Variants in PPM1L observed in about 807,000 individuals in gnomAD.
The protein encoded by PPM1L is protein phosphatase 1L.
A neutral mutation model predicts 31.4 loss-of-function variants in PPM1L; 13 were observed. That is an observed-to-expected ratio of 0.41 (90% CI 0.27 to 0.66). The LOEUF (loss-of-function observed/expected upper bound fraction) is 0.66, where lower values mean the gene tolerates loss of function less well. Ranked by LOEUF, PPM1L falls within the 30% of genes least tolerant of loss-of-function variation. The probability of loss-of-function intolerance (pLI) is 0.29; values close to 1 mark genes in which losing one functional copy is unlikely to be tolerated. For synonymous variants in PPM1L, 184 were observed against 175.4 expected (o/e 1.05, Z -0.39); for missense variants, 326 against 453.7 (o/e 0.72, Z 2.56).
At chr3:160,757,357 T>G (rs1714839535) in intron 1 of PPM1L, among the ~76,000 whole-genome samples, 1 of 152,274 alleles carries the variant, frequency 6.6e-6, no homozygotes, top group African/African-American at 2.4e-5. Context: ...TAGATGTCCC[T>G]GGCCTTTGCA....
chr3:161,011,356 A>G (rs1028220420), intron 2 of PPM1L, among the ~76,000 whole-genome samples: 37 of 152,210 alleles, frequency 2.4e-4, no homozygotes, highest in African/African-American at 7.2e-4. Context: ...TGAGAGCTCT[A>G]TTCTGTTCCA....
chr3:160,905,220 A>G (rs528464672), intron 1 of PPM1L, among the ~76,000 whole-genome samples: 23 of 152,286 alleles, frequency 1.5e-4, no homozygotes, highest in African/African-American at 5.3e-4. Flanking sequence ...ACCAGTTCCA[A>G]TATATAAGTG....
chr3:160,984,644 G>A (rs767679798), intron 2 of PPM1L, among the ~76,000 whole-genome samples: 1 of 152,134 alleles, frequency 6.6e-6, no homozygotes, highest in Non-Finnish European at 1.5e-5. Context: ...CTTCTGCCGT[G>A]GCTTCAGCTG....
At chr3:160,879,320 T>C (rs985090760) in intron 1 of PPM1L, among the ~76,000 whole-genome samples, 20 of 152,114 alleles carry the variant, frequency 1.3e-4, no homozygotes, top group Admixed American at 6.6e-4. Flanking sequence ...AGTTGAGCAG[T>C]TCCATCCCAG....
At chr3:161,018,830 C>T (rs898631605) in intron 2 of PPM1L, among the ~76,000 whole-genome samples, 2 of 152,094 alleles carry the variant, frequency 1.3e-5, no homozygotes, top group East Asian at 1.9e-4. Context: ...CTTGGCATCT[C>T]GGCATTCCAG....
chr3:160,837,738 A>G (rs1040379849), intron 1 of PPM1L, among the ~76,000 whole-genome samples: 16 of 152,304 alleles, frequency 1.1e-4, no homozygotes, highest in African/African-American at 3.4e-4. Flanking sequence ...GAACACAGAC[A>G]AAAGGAAACA....
At chr3:160,766,414 T>A (rs1012634170) in intron 1 of PPM1L, among the ~76,000 whole-genome samples, 10 of 152,156 alleles carry the variant, frequency 6.6e-5, no homozygotes, top group African/African-American at 2.4e-4. Flanking sequence ...GGGGATTAGA[T>A]CATTAGATCA....
intron 2 of PPM1L, among the ~76,000 whole-genome samples, chr3:161,012,003 C>G (rs1237831569): frequency 6.6e-6 from 1 of 152,130 alleles, no homozygotes; most frequent in African/African-American, 2.4e-5. Flanking sequence ...ATTGATTACC[C>G]TTTATTTCTT....
intron 1 of PPM1L, among the ~76,000 whole-genome samples, chr3:160,856,076 G>A (rs1711692360): frequency 6.6e-6 from 1 of 152,072 alleles, no homozygotes; most frequent in Admixed American, 6.6e-5. Flanking sequence ...AGAGAAAGAT[G>A]TAGGCCAGAA....
intron 1 of PPM1L, among the ~76,000 whole-genome samples, chr3:160,917,890 C>G (rs557302197): frequency 1.3e-5 from 2 of 151,870 alleles, no homozygotes; most frequent in African/African-American, 4.8e-5. Flanking sequence ...TTTCTTTGTT[C>G]GTAATAAAAT....
intron 2 of PPM1L, among the ~76,000 whole-genome samples, chr3:161,030,197 G>T (rs1290463289): frequency 6.6e-6 from 1 of 152,186 alleles, no homozygotes; most frequent in Admixed American, 6.5e-5. Context: ...AGTACTAAAA[G>T]ATAGGGCCTT....
chr3:160,906,629 A>C (rs6441340), intron 1 of PPM1L, among the ~76,000 whole-genome samples: 30,678 of 141,874 alleles, frequency 0.22, 5,363 homozygotes, highest in East Asian at 0.56. Flanking sequence ...AAGAAAAGAA[A>C]AGAACCCAGG....
At chr3:160,834,070 C>T (rs1713615604) in intron 1 of PPM1L, among the ~76,000 whole-genome samples, 1 of 141,838 alleles carries the variant, frequency 7.1e-6, no homozygotes, top group Admixed American at 7.4e-5. Flanking sequence ...GTAGCCTAGG[C>T]TGGAGTGCAG....
At chr3:160,779,584 A>G (rs779057) in intron 1 of PPM1L, among the ~76,000 whole-genome samples, 152,072 of 152,154 alleles carry the variant, frequency 1, 75,995 homozygotes, top group Middle Eastern at 1. Context: ...GTGCAGTGGC[A>G]CCATCTCGGC....
chr3:160,820,281 T>C (rs992237917), intron 1 of PPM1L, among the ~76,000 whole-genome samples: 1 of 152,098 alleles, frequency 6.6e-6, no homozygotes, highest in Non-Finnish European at 1.5e-5. Context: ...TCATCCTTGG[T>C]TTATTTGCTT....
intron 2 of PPM1L, among the ~76,000 whole-genome samples, chr3:160,982,057 C>T (rs998861813): frequency 3.9e-5 from 6 of 152,132 alleles, no homozygotes; most frequent in South Asian, 2.1e-4. Context: ...TAAGCCACTG[C>T]GCTTGGCCCC....
At chr3:160,826,757 T>G (rs1167802717) in intron 1 of PPM1L, among the ~76,000 whole-genome samples, 1 of 152,136 alleles carries the variant, frequency 6.6e-6, no homozygotes, top group Non-Finnish European at 1.5e-5. Flanking sequence ...TATTGGATAG[T>G]GGCAGCAGTC....
At chr3:160,801,022 T>C (rs1051835745) in intron 1 of PPM1L, among the ~76,000 whole-genome samples, 1 of 152,148 alleles carries the variant, frequency 6.6e-6, no homozygotes. Context: ...GTGAGTGTTA[T>C]GCTTTGCCAT....
intron 2 of PPM1L, among the ~76,000 whole-genome samples, chr3:161,045,082 T>C (rs1336526061): frequency 6.6e-6 from 1 of 152,174 alleles, no homozygotes; most frequent in Non-Finnish European, 1.5e-5. Flanking sequence ...ATATCCTAAA[T>C]ATATATGCAC....
Sources: allele counts gnomAD v4.1 joint callset (sites outside exome capture counted in the v4.1 genomes callset), GRCh38; gene constraint gnomAD v4.1.1; transcripts MANE v1.5; gene names NCBI Gene and HGNC (gene_info 2026-07-23, HGNC 2026-07-21).